The following TMEM232 variants were observed in gnomAD, a reference collection of about 807,000 sequenced individuals.
The protein encoded by TMEM232 is transmembrane protein 232.
In TMEM232, 80 loss-of-function variants were observed where a neutral mutation model predicts 78.8. That is an observed-to-expected ratio of 1.01 (90% confidence interval 0.85 to 1.22). The LOEUF is 1.22. Ranked by LOEUF, TMEM232 falls within the 50% of genes most tolerant of loss-of-function variation. The pLI is 0.00. For missense variants in TMEM232, 881 were observed against 742.2 expected (o/e 1.19, Z -2.17); for synonymous variants, 297 against 254.3 (o/e 1.17, Z -1.60).
chr5:110,737,019 A>G (rs920130759), intron 1 of TMEM232, among the ~76,000 whole-genome samples: 1 of 136,300 alleles, frequency 7.3e-6, no homozygotes, highest in Non-Finnish European at 1.6e-5. Flanking sequence ...AAAAAAAAAA[A>G]GCTTCCTTTA....
chr5:110,451,975 C>T (rs1470666834), intron 12 of TMEM232, among the ~76,000 whole-genome samples: 2 of 152,058 alleles, frequency 1.3e-5, no homozygotes, highest in African/African-American at 4.8e-5. Context: ...GTTTCAGCTA[C>T]TATTTTTGTT....
rs184670262 is a variant in TMEM232, at chr5:110,520,873, G to A, written c.1703+7715C>T. The stretch of plus-strand genomic sequence containing the variant: ...GCAGAGGTTGTGGTAAGCCAAGATC[G>A]CACCATTGCACTACAGCCTGGGTAA... On this transcript the variant is annotated intron_variant, in intron 12 of 13. Transcript: ENST00000455884. 1.1e-3 allele frequency among the ~76,000 whole-genome samples: 173 copies of A among 152,238 alleles called. 2 individuals are homozygous for A. Among genetic ancestry groups the A allele is most frequent in the African/African-American group, 3.5e-3 (144 of 41,546 alleles).
chr5:110,424,511 A>G (rs908692892), intron 13 of TMEM232, among the ~76,000 whole-genome samples: 9 of 152,196 alleles, frequency 5.9e-5, no homozygotes, highest in African/African-American at 2.2e-4. Context: ...TTCTGTTATT[A>G]GAACTACACT....
At chr5:110,467,598 A>AAGAT (rs1175482298) in intron 12 of TMEM232, among the ~76,000 whole-genome samples, 2 of 152,238 alleles carry the variant, frequency 1.3e-5, no homozygotes, top group African/African-American at 4.8e-5. Flanking sequence ...TTGCAAACAA[A>AAGAT]AGATACAACA....
intron 8 of TMEM232, among the ~76,000 whole-genome samples, chr5:110,615,770 G>C (rs1011598624): frequency 6.6e-6 from 1 of 151,886 alleles, no homozygotes; most frequent in Non-Finnish European, 1.5e-5. Context: ...AAGACTGTTA[G>C]ACTTTAAATG....
At chr5:110,640,130 A>C (rs1786462567) in intron 4 of TMEM232, among the ~76,000 whole-genome samples, 1 of 152,214 alleles carries the variant, frequency 6.6e-6, no homozygotes, top group Admixed American at 6.5e-5. Flanking sequence ...TGGTAAACCA[A>C]GAGTGTTTAC....
intron 3 of TMEM232, among the ~76,000 whole-genome samples, chr5:110,391,364 T>C (rs532629327): frequency 2.0e-5 from 3 of 147,558 alleles, no homozygotes; most frequent in African/African-American, 7.7e-5. Context: ...CTGTGGGACA[T>C]ATCCATATCC....
chr5:110,458,651 T>C (rs975702965), intron 12 of TMEM232, among the ~76,000 whole-genome samples: 15 of 152,332 alleles, frequency 9.8e-5, no homozygotes, highest in Non-Finnish European at 2.1e-4. Flanking sequence ...AACCACTCAG[T>C]TGAAATCCAT....
At chr5:110,436,143 A>G (rs1758409060) in intron 12 of TMEM232, among the ~76,000 whole-genome samples, 2 of 151,890 alleles carry the variant, frequency 1.3e-5, no homozygotes, top group Non-Finnish European at 2.9e-5. Flanking sequence ...TTTGGATAAA[A>G]GCCATTTTAA....
chr5:110,424,337 G>A (rs1482662670), intron 13 of TMEM232, among the ~76,000 whole-genome samples: 2 of 152,114 alleles, frequency 1.3e-5, no homozygotes, highest in African/African-American at 2.4e-5. Flanking sequence ...ATTTGGTTAA[G>A]AAATTATCAA....
chr5:110,706,174 G>A (rs553459879), intron 1 of TMEM232, among the ~76,000 whole-genome samples: 19 of 152,100 alleles, frequency 1.2e-4, no homozygotes, highest in African/African-American at 2.9e-4. Flanking sequence ...CCAAACCAGC[G>A]ATGAGATATT....
intron 10 of TMEM232, among the ~76,000 whole-genome samples, chr5:110,595,875 T>A (rs1371651005): frequency 6.6e-6 from 1 of 152,030 alleles, no homozygotes; most frequent in East Asian, 1.9e-4. Flanking sequence ...CGGAAGAACT[T>A]CCCCAACCTA....
chr5:110,561,420 T>G (rs1362308437), intron 11 of TMEM232, among the ~76,000 whole-genome samples: 1 of 151,990 alleles, frequency 6.6e-6, no homozygotes, highest in Non-Finnish European at 1.5e-5. Context: ...TATGTATATA[T>G]AAAATACGGT....
At chr5:110,562,505 A>G (rs1478993333) in intron 11 of TMEM232, among the ~76,000 whole-genome samples, 3 of 152,090 alleles carry the variant, frequency 2.0e-5, no homozygotes, top group East Asian at 3.9e-4. Context: ...TCCTGCTAAT[A>G]CTAAAAAAAA....
chr5:110,403,747 T>C (rs186272740), intron 2 of TMEM232, among the ~76,000 whole-genome samples: 18 of 152,044 alleles, frequency 1.2e-4, no homozygotes, highest in African/African-American at 3.6e-4. Context: ...TGAAAATCAG[T>C]AAGCCAGAAA....
intron 12 of TMEM232, among the ~76,000 whole-genome samples, chr5:110,480,941 T>C (rs10050920): frequency 0.038 from 5,796 of 152,200 alleles, 380 homozygotes; most frequent in African/African-American, 0.13. Context: ...GTATTCATTT[T>C]ATACTATAAA....
At chr5:110,445,396 A>G (rs1759536811) in intron 12 of TMEM232, among the ~76,000 whole-genome samples, 1 of 152,118 alleles carries the variant, frequency 6.6e-6, no homozygotes, top group African/African-American at 2.4e-5. Flanking sequence ...TAACCATCAC[A>G]TTCCCCACAA....
At chr5:110,598,696 T>A (rs1482184177) in intron 10 of TMEM232, among the ~76,000 whole-genome samples, 1 of 151,124 alleles carries the variant, frequency 6.6e-6, no homozygotes, top group Non-Finnish European at 1.5e-5. Flanking sequence ...AAATGAGGAG[T>A]TCATGTCCTC....
chr5:110,400,780 C>CA (rs1247111312), intron 2 of TMEM232, among the ~76,000 whole-genome samples: 1 of 152,046 alleles, frequency 6.6e-6, no homozygotes, highest in Non-Finnish European at 1.5e-5. Flanking sequence ...ACACTAAAAA[C>CA]TAAGTGGTAT....
Sources: gnomAD v4.1 joint callset for allele counts (sites outside exome capture counted in the v4.1 genomes callset) on GRCh38, gnomAD v4.1.1 for gene constraint, MANE v1.5 for transcripts, NCBI Gene and HGNC (gene_info 2026-07-23, HGNC 2026-07-21) for gene names.